The following CCDC134 variants were observed in gnomAD, a reference collection of about 807,000 sequenced individuals.
The protein encoded by CCDC134 is coiled-coil domain-containing protein 134.
A neutral mutation model predicts 25.6 loss-of-function variants in CCDC134; 27 were observed. The observed-to-expected ratio is 1.05, with a 90% CI of 0.78 to 1.45. The LOEUF (loss-of-function observed/expected upper bound fraction) is 1.45, where lower values mean the gene tolerates loss of function less well. Among genes scored for constraint, CCDC134 ranks in the 40% most tolerant of loss-of-function variants. The pLI is 0.00. For synonymous variants in CCDC134, 110 were observed against 115.0 expected (o/e 0.96, Z 0.28); for missense variants, 261 against 286.7 (o/e 0.91, Z 0.65).
chr22:41,815,173 G>T (rs1210570393), intron 6 of CCDC134, among the ~76,000 whole-genome samples: 1 of 150,532 alleles, frequency 6.6e-6, no homozygotes, highest in East Asian at 1.9e-4. Context: ...GCCCTCCATG[G>T]CTTGGTTTAA....
intron 1 of CCDC134, among the ~76,000 whole-genome samples, chr22:41,804,861 G>C (rs866638023): frequency 6.6e-6 from 1 of 152,246 alleles, no homozygotes; most frequent in African/African-American, 2.4e-5. Context: ...CTTAAGGCCA[G>C]GAGTTCGAGA....
At chr22:41,813,929 G>A in intron 6 of CCDC134, 107 bp downstream of exon 6, 1 of 926,410 alleles carries the variant, frequency 1.1e-6, no homozygotes, top group African/African-American at 1.6e-5. Context: ...CTTGGAGCCA[G>A]GCAGCCTGGG....
At chr22:41,812,480 T>A in intron 4 of CCDC134, among the ~76,000 whole-genome samples, 1 of 150,790 alleles carries the variant, frequency 6.6e-6, no homozygotes, top group Non-Finnish European at 1.5e-5. Flanking sequence ...GTGAATGAAT[T>A]TTATGTTATG....
At chr22:41,811,392 G>A (rs549655132) in intron 4 of CCDC134, among the ~76,000 whole-genome samples, 1 of 152,276 alleles carries the variant, frequency 6.6e-6, no homozygotes, top group South Asian at 2.1e-4. Flanking sequence ...TTCTTTACTT[G>A]TTGTTTTGCA....
At chr22:41,813,652 C>T in intron 5 of CCDC134, 99 bp from the exon 6 acceptor site, 11 of 1,362,732 alleles carry the variant, frequency 8.1e-6, no homozygotes, top group East Asian at 2.3e-5. Flanking sequence ...CCCACATCTG[C>T]CCAAGTCAGG....
Position 41,825,932 on chromosome 22 carries a change from G to GCT in CCDC134, c.*109_*110insCT. 1 of 1,486,382 alleles carries GCT rather than the reference G, an allele frequency of 6.7e-7. No individual in the cohort carries two copies. Among genetic ancestry groups the GCT allele is most frequent in the Non-Finnish European group, 9.1e-7 (1 of 1,097,416 alleles). 92.1% of individuals were successfully genotyped at this position (1,486,382 alleles called of 1,614,324 possible). On this transcript the variant is annotated 3_prime_UTR_variant, in exon 7 of 7. Transcript: ENST00000255784. This position sits in a 1 kb window ranked among gnomAD's most constrained non-coding sequence, Gnocchi z 4.4. ...CACCAGCTAGCCCCTTCCAGAAGGG[G>GCT]AGGCCACATTTGCCCGGCCCCCTGG...
chr22:41,810,292 G>GT lies in CCDC134; in HGVS notation c.310+2dup. 1.2e-6 allele frequency: 2 copies of GT among 1,613,522 alleles called. No individual in the cohort carries two copies. The highest frequency in any genetic ancestry group is 1.7e-6 in the Non-Finnish European group (2 of 1,179,736). ...CCCCAGGACGAGAAGCTGAAGGATG[G>GT]TATGGTCTGCCCTGCCCCGCCCTGT... On this transcript the variant is annotated splice_donor_variant, in intron 4 of 6. Transcript: ENST00000255784. LOFTEE classifies it high-confidence loss of function.
At chr22:41,821,436 C>T (rs1035392095) in intron 6 of CCDC134, among the ~76,000 whole-genome samples, 5 of 151,688 alleles carry the variant, frequency 3.3e-5, no homozygotes, top group African/African-American at 1.2e-4. Flanking sequence ...TGTCATTTAG[C>T]ATTAGGCATA....
At chr22:41,804,933 G>A (rs1006300031) in intron 1 of CCDC134, among the ~76,000 whole-genome samples, 1 of 152,168 alleles carries the variant, frequency 6.6e-6, no homozygotes, top group Admixed American at 6.5e-5. Context: ...AGTCAGACAT[G>A]GTAGTGCTCG....
chr22:41,814,801 A>G (rs146997477), intron 6 of CCDC134, among the ~76,000 whole-genome samples: 20 of 152,256 alleles, frequency 1.3e-4, no homozygotes, highest in Admixed American at 7.8e-4. Context: ...ATTGGACTGT[A>G]TTACAGCAAA....
intron 6 of CCDC134, among the ~76,000 whole-genome samples, chr22:41,819,983 A>ATT (rs1378503871): frequency 2.3e-5 from 3 of 130,194 alleles, no homozygotes; most frequent in Admixed American, 1.6e-4. Flanking sequence ...ATATATATAT[A>ATT]TATATATATA....
Position 41,824,524 on chromosome 22 carries a change from G to C in CCDC134, c.565-1174G>C, listed in dbSNP as rs1041025861. ...GCCTGTAATCCCAACACTTTGGGAGGCTGAGGCGGATGGATCACGTGAAGT... is the reference window on the plus strand; with the variant it reads ...GCCTGTAATCCCAACACTTTGGGAGCCTGAGGCGGATGGATCACGTGAAGT... On this transcript the variant is annotated intron_variant, in intron 6 of 6. Coordinates refer to ENST00000255784, the MANE Select transcript of CCDC134 (RefSeq NM_024821.5). Among the ~76,000 whole-genome samples, 7 of 152,184 alleles carry C rather than the reference G, an allele frequency of 4.6e-5. No individual in the cohort carries two copies. In the East Asian group the frequency reaches 1.3e-3, roughly 29 times the overall value.
rs1323470382 is a variant in CCDC134 at position 41,825,303 on chromosome 22, T to G, written c.565-395T>G. Among the ~76,000 whole-genome samples the G allele has an allele frequency of 6.6e-6, 1 of 151,554 alleles. No individual in the cohort carries two copies. Among genetic ancestry groups the G allele is most frequent in the East Asian group, 1.9e-4 (1 of 5,146 alleles). On this transcript the variant is annotated intron_variant, in intron 6 of 6. Coordinates refer to ENST00000255784, the MANE Select transcript of CCDC134 (RefSeq NM_024821.5). This position sits in a 1 kb window ranked among gnomAD's most constrained non-coding sequence, Gnocchi z 4.4. ...TCATCCTCCACCCCCCCACTTGCCT[T>G]GTCATCTGTGACTCTGGCTGACCTC...
intron 1 of CCDC134, among the ~76,000 whole-genome samples, 189 bp from the exon 2 acceptor site, chr22:41,808,686 T>C (rs1272638785): frequency 6.6e-6 from 1 of 152,160 alleles, no homozygotes; most frequent in African/African-American, 2.4e-5. Context: ...CCTCCTAGCA[T>C]CCCACGGCTC....
chr22:41,830,884 C>CTTTTTTTTTTTTTTTTTTT lies in CCDC134; in HGVS notation c.*5065_*5083dup, dbSNP rs67246997. Among the ~76,000 whole-genome samples, 7 of 117,288 alleles carry CTTTTTTTTTTTTTTTTTTT rather than the reference C, an allele frequency of 6.0e-5. No individual in the cohort carries two copies. The highest frequency in any genetic ancestry group is 1.6e-4 in the African/African-American group (4 of 25,456). The allele number at this position is 117,288 out of a possible 152,430, so 76.9% of individuals were successfully genotyped here. A position where few individuals can be genotyped will look rare whatever the true frequency, so the allele number is the denominator to read the frequency against. Reference sequence around the variant, plus strand: ...AGATCCTTATTTTTTCTTTTCTTTTCTTTTTTTTTTTTTTTTTTTTTTGAG... The same window carrying CTTTTTTTTTTTTTTTTTTT: ...AGATCCTTATTTTTTCTTTTCTTTTCTTTTTTTTTTTTTTTTTTTTTTTTTTTTTTTTTTTTTTTTTGAG... On this transcript the variant is annotated 3_prime_UTR_variant, in exon 7 of 7. Transcript: ENST00000255784.
At position 41,831,060 on chromosome 22, in the gene CCDC134, A is replaced by G. The variant is rs2076705491; in HGVS notation, c.*5237A>G. 6.6e-6 allele frequency among the ~76,000 whole-genome samples: 1 copy of G among 151,384 alleles called. No homozygotes were observed. Among genetic ancestry groups the G allele is most frequent in the South Asian group, 2.1e-4 (1 of 4,810 alleles). On this transcript the variant is annotated 3_prime_UTR_variant, in exon 7 of 7. Coordinates refer to ENST00000255784, the MANE Select transcript of CCDC134 (RefSeq NM_024821.5). ...ACCATCACGCCTGGCTAATTTTTGT[A>G]TTTTTAGTAGAGACGGGGTTTCACC...
chr22:41,801,075 A>AAGAG (rs1476575476), intron 1 of CCDC134, among the ~76,000 whole-genome samples: 3 of 151,898 alleles, frequency 2.0e-5, no homozygotes, highest in African/African-American at 7.3e-5. Flanking sequence ...GAGGCTGAAA[A>AAGAG]AGTGAGTTTA....
In CCDC134 at chr22:41,809,906, G is replaced by T. The variant is rs750205388; in HGVS notation, c.131G>T (p.Arg44Leu). The T allele has an allele frequency of 5.0e-6, 8 of 1,614,010 alleles. No individual in the cohort carries two copies. Among genetic ancestry groups the T allele is most frequent in the Non-Finnish European group, 6.8e-6 (8 of 1,180,020 alleles). Residue 44 changes from arginine to leucine, a missense_variant, in exon 3 of 7, where the codon CGG becomes CTG. By Grantham distance (102) the Arg-to-Leu change is moderately radical. Coordinates refer to ENST00000255784, the MANE Select transcript of CCDC134 (RefSeq NM_024821.5). Reference protein sequence around the residue: ...IYKKMFEVKRREQLLALKNLA... With the variant: ...IYKKMFEVKRLEQLLALKNLA... ...AAGAAGATGTTTGAGGTGAAGCGGCGGGAGCAGCTGTTGGCACTGAAGAAC... is the reference window on the plus strand; with the variant it reads ...AAGAAGATGTTTGAGGTGAAGCGGCTGGAGCAGCTGTTGGCACTGAAGAAC...
At position 41,813,463 on chromosome 22, in the gene CCDC134, G is replaced by A. The variant is rs373006626; in HGVS notation, c.492+18G>A. The A allele has an allele frequency of 3.1e-6, 5 of 1,613,792 alleles. No homozygotes were observed. In the African/African-American group the frequency reaches 5.3e-5, roughly 17 times the overall value. On this transcript the variant is annotated intron_variant, in intron 5 of 6. Coordinates refer to ENST00000255784, the MANE Select transcript of CCDC134 (RefSeq NM_024821.5). ...TCAGCCTGGTAAGGACTGGGGTGGAGGTGGCCCGGGAGCCCTCTGTCGGGT... is the reference window on the plus strand; with the variant it reads ...TCAGCCTGGTAAGGACTGGGGTGGAAGTGGCCCGGGAGCCCTCTGTCGGGT...
Sources: allele counts gnomAD v4.1 joint callset (sites outside exome capture counted in the v4.1 genomes callset), GRCh38; gene constraint gnomAD v4.1.1; non-coding constraint Gnocchi (gnomAD v3.1); transcripts MANE v1.5; gene names NCBI Gene and HGNC (gene_info 2026-07-23, HGNC 2026-07-21).